Variants in PKNOX1 observed in about 807,000 individuals in gnomAD.
PKNOX1 encodes homeobox protein PKNOX1.
In PKNOX1, 15 loss-of-function variants were observed where a neutral mutation model predicts 51.9. The ratio of observed to expected loss-of-function variants is 0.29; its 90% CI spans 0.19 to 0.45. The LOEUF (loss-of-function observed/expected upper bound fraction) is 0.45. Among genes scored for constraint, PKNOX1 ranks in the 20% least tolerant of loss-of-function variants. The pLI is 1.00. For synonymous variants in PKNOX1, 219 were observed against 211.1 expected (o/e 1.04, Z -0.32); for missense variants, 462 against 547.5 (o/e 0.84, Z 1.56).
At chr21:43,012,722 A>C (rs1333458666) in intron 4 of PKNOX1, among the ~76,000 whole-genome samples, 2 of 152,248 alleles carry the variant, frequency 1.3e-5, no homozygotes, top group African/African-American at 2.4e-5. Flanking sequence ...TTGTGGATGT[A>C]GAAACAGGAG....
At chr21:42,981,220 G>C (rs965999813) in intron 1 of PKNOX1, among the ~76,000 whole-genome samples, 1 of 152,236 alleles carries the variant, frequency 6.6e-6, no homozygotes, top group Non-Finnish European at 1.5e-5. Flanking sequence ...GAAACTGTTA[G>C]GAGAAGCACT....
chr21:43,023,746 C>G (rs1979866664), intron 8 of PKNOX1, among the ~76,000 whole-genome samples: 1 of 151,978 alleles, frequency 6.6e-6, no homozygotes, highest in African/African-American at 2.4e-5. Flanking sequence ...TCCCGAATAG[C>G]TGGGACTACA....
At chr21:43,006,698 C>T (rs1010250914) in intron 2 of PKNOX1, among the ~76,000 whole-genome samples, 4 of 152,250 alleles carry the variant, frequency 2.6e-5, no homozygotes, top group African/African-American at 9.6e-5. Flanking sequence ...GGGATGGCCC[C>T]GCTCCCATGA....
At chr21:42,987,388 A>G (rs2059057562) in intron 1 of PKNOX1, among the ~76,000 whole-genome samples, 1 of 52,488 alleles carries the variant, frequency 1.9e-5, no homozygotes, top group African/African-American at 1.5e-4. Flanking sequence ...CTCTCAAAAA[A>G]AAAAAAAAAA....
At chr21:42,994,376 C>T (rs962027975) in intron 1 of PKNOX1, among the ~76,000 whole-genome samples, 2 of 1,200 alleles carry the variant, frequency 1.7e-3, no homozygotes, top group African/African-American at 9.9e-3. Context: ...GGGGTTTCAC[C>T]ATGTTGGCCA....
chr21:43,022,917 A>G (rs1979826125), intron 8 of PKNOX1, among the ~76,000 whole-genome samples: 1 of 152,230 alleles, frequency 6.6e-6, no homozygotes, highest in Non-Finnish European at 1.5e-5. Context: ...CAATCAGTAT[A>G]TGTATAACAT....
chr21:43,032,193 T>G lies in PKNOX1; in HGVS notation c.*2092T>G. On this transcript the variant is annotated 3_prime_UTR_variant, in exon 11 of 11. Transcript: ENST00000291547. ...CATCTTAAAGCCACCATTGCGTTCC[T>G]CATTTGTGAACTGTCTTCTCATATT... 1 of 456,216 alleles carries G rather than the reference T, an allele frequency of 2.2e-6. No homozygotes were observed. Among genetic ancestry groups the G allele is most frequent in the South Asian group, 1.5e-5 (1 of 64,562 alleles). 28.3% of individuals were successfully genotyped at this position (456,216 alleles called of 1,614,324 possible). A position where few individuals can be genotyped will look rare whatever the true frequency, so the allele number is the denominator to read the frequency against.
At chr21:43,027,831 G>A (rs562723720) in intron 9 of PKNOX1, among the ~76,000 whole-genome samples, 4 of 152,260 alleles carry the variant, frequency 2.6e-5, no homozygotes, top group East Asian at 3.9e-4. Context: ...CAGCAGAATC[G>A]CTTAAACCCA....
chr21:43,005,373 C>G (rs1978940710), intron 2 of PKNOX1, among the ~76,000 whole-genome samples: 1 of 151,922 alleles, frequency 6.6e-6, no homozygotes, highest in Non-Finnish European at 1.5e-5. Context: ...TTTTACCAAC[C>G]AGTCCTTGTT....
chr21:43,021,373 G>T lies in PKNOX1; in HGVS notation c.791G>T (p.Gly264Val). ...QDDGSSKNKR[G>V]VLPKHATNVM... ...GATGGTTCATCTAAGAACAAGAGGG[G>T]CGTCCTGCCAAAGCATGCCACGAAC... The change falls in exon 8 of 11, where the codon GGC becomes GTC. Residue 264 changes from glycine to valine, a missense_variant. By Grantham distance (109) the Gly-to-Val change is moderately radical. Coordinates refer to ENST00000291547, the MANE Select transcript of PKNOX1 (RefSeq NM_004571.5). This position sits in a 1 kb window ranked among gnomAD's most constrained non-coding sequence, Gnocchi z 4.6. The T allele has an allele frequency of 6.2e-7, 1 of 1,613,564 alleles. No homozygotes were observed. Among genetic ancestry groups the T allele is most frequent in the Non-Finnish European group, 8.5e-7 (1 of 1,179,622 alleles).
chr21:43,028,783 T>C lies in PKNOX1; in HGVS notation c.1008T>C (p.Thr336=), dbSNP rs1302222608. 1.2e-6 allele frequency: 2 copies of C among 1,614,120 alleles called. No homozygotes were observed. The highest frequency in any genetic ancestry group is 1.7e-6 in the Non-Finnish European group (2 of 1,180,022). ...AGACCCCCAAAACAAAGAAAAAAAC[T>C]GCTCAGAACCGGCCAGTTCAGAGGT... ...CSETPKTKKK[T]AQNRPVQRFW... The change falls in exon 10 of 11, where the codon ACT becomes ACC. Residue 336 remains threonine, a synonymous_variant. Coordinates refer to ENST00000291547, the MANE Select transcript of PKNOX1 (RefSeq NM_004571.5).
In PKNOX1 at chr21:42,992,074, T is replaced by C. The variant is rs369335549; in HGVS notation, c.-56-12252T>C. The stretch of plus-strand genomic sequence containing the variant: ...TCATGTGGCTTCGGAAGCTGCATTC[T>C]GGTCACAGCTGAGCGTCTTTCGTGG... On this transcript the variant is annotated intron_variant, in intron 1 of 10. Coordinates refer to ENST00000291547, the MANE Select transcript of PKNOX1 (RefSeq NM_004571.5). Among the ~76,000 whole-genome samples, 8 of 152,380 alleles carry C rather than the reference T, an allele frequency of 5.3e-5. No homozygotes were observed. The South Asian group carries it at 6.2e-4, about 12-fold the overall frequency.
Position 43,018,230 on chromosome 21 carries a change from G to GGTGC in PKNOX1, c.720+6_720+9dup, listed in dbSNP as rs566559360. 1.1e-4 allele frequency: 170 copies of GGTGC among 1,609,130 alleles called. 1 individual carries two copies. In the South Asian group the frequency reaches 1.7e-3, roughly 16 times the overall value. Reference sequence around the variant, plus strand: ...GGACAATTAGGATCCAGAACTCCCAGGTGCGTGCGCCATTTTATGGAAGGC... The same window carrying GGTGC: ...GGACAATTAGGATCCAGAACTCCCAGGTGCGTGCGTGCGCCATTTTATGGAAGGC... On this transcript the variant is annotated frameshift_variant and splice_region_variant. Transcript: ENST00000291547. LOFTEE classifies it high-confidence loss of function.
intron 10 of PKNOX1, among the ~76,000 whole-genome samples, chr21:43,029,424 G>GTTTTTTTTTTTTTTTTTTTTTGTT (rs1980138829): frequency 1.6e-5 from 1 of 63,304 alleles, no homozygotes; most frequent in Non-Finnish European, 2.9e-5. Context: ...TGTTTGCTTT[G>GTTTTTTTTTTTTTTTTTTTTTGTT]TTTTTTTTTT....
At chr21:42,995,007 C>T (rs775779039) in intron 1 of PKNOX1, among the ~76,000 whole-genome samples, 1 of 150,598 alleles carries the variant, frequency 6.6e-6, no homozygotes, top group East Asian at 1.9e-4. Flanking sequence ...CTGCAGCCTC[C>T]GCCTCCTGGG....
chr21:42,987,811 G>T (rs2059062831), intron 1 of PKNOX1, among the ~76,000 whole-genome samples: 1 of 151,670 alleles, frequency 6.6e-6, no homozygotes, highest in Non-Finnish European at 1.5e-5. Flanking sequence ...GTAGAGACAG[G>T]GTTTCACCAT....
intron 1 of PKNOX1, among the ~76,000 whole-genome samples, chr21:42,987,444 C>T (rs1457976750): frequency 7.8e-6 from 1 of 127,716 alleles, no homozygotes; most frequent in African/African-American, 3.0e-5. Context: ...CTCAGATTTT[C>T]TGACTCCTCT....
intron 5 of PKNOX1, among the ~76,000 whole-genome samples, chr21:43,015,939 T>G (rs900531777): frequency 6.6e-6 from 1 of 152,228 alleles, no homozygotes; most frequent in Non-Finnish European, 1.5e-5. Context: ...TGATCTTTAT[T>G]ATTTCCTTTC....
Position 42,993,000 on chromosome 21 carries a change from C to T in PKNOX1, c.-56-11326C>T, listed in dbSNP as rs146428826. ...GGGGGGCGTTCCTCACAGCATGGGGCTTCCTGGTAGTCGGAGTGTCACTAT... is the reference window on the plus strand; with the variant it reads ...GGGGGGCGTTCCTCACAGCATGGGGTTTCCTGGTAGTCGGAGTGTCACTAT... On this transcript the variant is annotated intron_variant, in intron 1 of 10. Coordinates refer to ENST00000291547, the MANE Select transcript of PKNOX1 (RefSeq NM_004571.5). Among the ~76,000 whole-genome samples, 16 of 152,262 alleles carry T rather than the reference C, an allele frequency of 1.1e-4. No individual in the cohort carries two copies. In the East Asian group the frequency reaches 3.1e-3, roughly 29 times the overall value.
Sources: allele counts gnomAD v4.1 joint callset (sites outside exome capture counted in the v4.1 genomes callset), GRCh38; gene constraint gnomAD v4.1.1; non-coding constraint Gnocchi (gnomAD v3.1); transcripts MANE v1.5; gene names NCBI Gene and HGNC (gene_info 2026-07-23, HGNC 2026-07-21).